The following SYCP1 variants were observed in gnomAD, a reference collection of about 807,000 sequenced individuals.
The protein encoded by SYCP1 is synaptonemal complex protein 1, also known as cancer/testis antigen 8.
SYCP1 carries 64 observed loss-of-function variants against 153.1 expected under a neutral mutation model. The observed-to-expected ratio is 0.42, with a 90% CI of 0.34 to 0.51. The LOEUF is 0.51. SYCP1 is among the 20% of genes least tolerant of loss of function. The probability of loss-of-function intolerance (pLI) is 0.06; values close to 1 mark genes in which losing one functional copy is unlikely to be tolerated. For missense variants in SYCP1, 997 were observed against 1,049.0 expected, an observed-to-expected ratio of 0.95 and a Z score of 0.68; for synonymous variants, 384 against 341.8, an observed-to-expected ratio of 1.12 and a Z score of -1.36.
chr1:114,943,240 A>T (rs1670498992), intron 23 of SYCP1, among the ~76,000 whole-genome samples: 1 of 151,940 alleles, frequency 6.6e-6, no homozygotes, highest in South Asian at 2.1e-4. Context: ...GGCAATTCCA[A>T]TCCTAGGTAT....
intron 30 of SYCP1, among the ~76,000 whole-genome samples, chr1:114,992,668 A>G (rs1674005010): frequency 6.6e-6 from 1 of 151,682 alleles, no homozygotes; most frequent in African/African-American, 2.4e-5. Context: ...CTTAAGAGCT[A>G]AAACTATAAA....
chr1:114,877,458 A>T (rs1222273969), intron 11 of SYCP1, among the ~76,000 whole-genome samples: 1 of 152,126 alleles, frequency 6.6e-6, no homozygotes, highest in Non-Finnish European at 1.5e-5. Flanking sequence ...TTCTTGTCTG[A>T]TTTGCCACAA....
At chr1:114,875,310 G>GAGT (rs1304954352) in intron 9 of SYCP1, among the ~76,000 whole-genome samples, 1 of 148,912 alleles carries the variant, frequency 6.7e-6, no homozygotes, top group Non-Finnish European at 1.5e-5. Flanking sequence ...GCCCAGGCTG[G>GAGT]AGTGCAGTGG....
chr1:114,946,379 T>C lies in SYCP1; in HGVS notation c.2245T>C (p.Leu749=). 1.3e-6 allele frequency: 2 copies of C among 1,577,564 alleles called. No individual in the cohort carries two copies. Among genetic ancestry groups the C allele is most frequent in the East Asian group, 4.8e-5 (2 of 41,884 alleles). ...AGAACAGTCATCACTGAGAGCATCT[T>C]TGGTGAGATACAGAAAAAATTGCAG... The part of the protein sequence containing the change: ...EQEQSSLRAS[L]EIELSNLKAE... Residue 749 remains leucine (L), a splice_region_variant and synonymous_variant, in exon 26 of 32, where the codon TTG becomes CTG. Transcript: ENST00000369522.
At chr1:114,982,243 T>C (rs1206499188) in intron 29 of SYCP1, among the ~76,000 whole-genome samples, 1 of 151,954 alleles carries the variant, frequency 6.6e-6, no homozygotes, top group Non-Finnish European at 1.5e-5. Flanking sequence ...ACTCCTAATA[T>C]TCTTTATAAA....
intron 8 of SYCP1, among the ~76,000 whole-genome samples, chr1:114,866,346 G>A (rs1664741808): frequency 6.6e-6 from 1 of 152,148 alleles, no homozygotes; most frequent in African/African-American, 2.4e-5. Flanking sequence ...AGCATTTGGT[G>A]TTGTCAAAGT....
intron 20 of SYCP1, among the ~76,000 whole-genome samples, chr1:114,918,690 T>C (rs1360546128): frequency 6.6e-6 from 1 of 152,104 alleles, no homozygotes; most frequent in Non-Finnish European, 1.5e-5. Flanking sequence ...ATAGTTTGCA[T>C]TGTAAAGATT....
At chr1:114,869,568 A>G in intron 8 of SYCP1, among the ~76,000 whole-genome samples, 1 of 152,192 alleles carries the variant, frequency 6.6e-6, no homozygotes. Flanking sequence ...GAATCCAACT[A>G]CAGGTTAAGC....
At chr1:114,925,192 C>T (rs981498028) in intron 21 of SYCP1, among the ~76,000 whole-genome samples, 2 of 151,816 alleles carry the variant, frequency 1.3e-5, no homozygotes, top group African/African-American at 4.8e-5. Flanking sequence ...TAAATTCAAC[C>T]TGAAAAAAAT....
intron 16 of SYCP1, 92 bp from the exon 17 acceptor site, chr1:114,910,305 C>T: frequency 1.2e-6 from 1 of 810,074 alleles, no homozygotes; most frequent in Non-Finnish European, 1.9e-6. Flanking sequence ...GGGGGAAGCT[C>T]ATAGTTCTTT....
rs778476636 is a variant in SYCP1, at chr1:114,876,855, T to A, written c.801+45T>A. 30 of 1,135,456 alleles carry A rather than the reference T, an allele frequency of 2.6e-5. No homozygotes were observed. The Middle Eastern group carries it at 9.8e-4, about 37-fold the overall frequency. The allele number at this position is 1,135,456 out of a possible 1,614,324, so 70.3% of individuals were successfully genotyped here. On this transcript the variant is annotated intron_variant, in intron 11 of 31. Transcript: ENST00000369522. ...CTTTGTATTCTTTATATTTGCTAATTCATTAAAAACTTAAAATTTCAAAAG... is the reference window on the plus strand; with the variant it reads ...CTTTGTATTCTTTATATTTGCTAATACATTAAAAACTTAAAATTTCAAAAG...
chr1:114,926,528 G>T lies in SYCP1; in HGVS notation c.1891G>T (p.Ala631Ser). ...ENKALKKKGT[A>S]ESKQLNVYEI... Reference sequence around the variant, plus strand: ...TAAGGCCTTGAAAAAAAAAGGTACAGCAGAAAGCAAGCAACTGAATGTTTA... The same window carrying T: ...TAAGGCCTTGAAAAAAAAAGGTACATCAGAAAGCAAGCAACTGAATGTTTA... Residue 631 changes from alanine to serine, a missense_variant, in exon 23 of 32, where the codon GCA (alanine) becomes TCA (serine). This residue lies in a region of SYCP1 where 712 missense variants were observed against 682.9 expected (regional missense o/e 1.04). Coordinates refer to ENST00000369522, the MANE Select transcript of SYCP1 (RefSeq NM_003176.4). 1 of 1,592,754 alleles carries T rather than the reference G, an allele frequency of 6.3e-7. No homozygotes were observed.
chr1:114,904,343 C>A (rs923842570), intron 16 of SYCP1, among the ~76,000 whole-genome samples: 2 of 152,092 alleles, frequency 1.3e-5, no homozygotes, highest in Admixed American at 6.5e-5. Flanking sequence ...GTCTCGATCT[C>A]CTGACCTTGT....
chr1:114,941,661 C>G (rs976303893), intron 23 of SYCP1, among the ~76,000 whole-genome samples: 2 of 151,184 alleles, frequency 1.3e-5, no homozygotes, highest in Admixed American at 6.6e-5. Context: ...TTGTATTGTC[C>G]AAGAAGAAAG....
chr1:114,924,066 T>G (rs550406185), intron 21 of SYCP1, among the ~76,000 whole-genome samples: 1 of 152,232 alleles, frequency 6.6e-6, no homozygotes, highest in East Asian at 1.9e-4. Flanking sequence ...GACCACCTAC[T>G]ATGTGCCAGG....
chr1:114,855,181 A>G (rs1486749904), intron 1 of SYCP1, 163 bp downstream of exon 1: 1 of 192,442 alleles, frequency 5.2e-6, no homozygotes, highest in African/African-American at 2.3e-5. Context: ...ATTTAATGGG[A>G]CAGGAGAAGG....
At chr1:114,914,152 T>A (rs1206977429) in intron 20 of SYCP1, 107 bp downstream of exon 20, 17 of 821,560 alleles carry the variant, frequency 2.1e-5, no homozygotes, top group Non-Finnish European at 2.9e-5. Flanking sequence ...GAATATTTTA[T>A]AAAGTAAAAA....
At chr1:114,873,850 G>C (rs1665334734) in intron 8 of SYCP1, among the ~76,000 whole-genome samples, 1 of 152,114 alleles carries the variant, frequency 6.6e-6, no homozygotes, top group African/African-American at 2.4e-5. Context: ...TCATGTTTCA[G>C]CCTTCTGAGT....
chr1:114,929,888 T>C (rs1293671979), intron 23 of SYCP1, among the ~76,000 whole-genome samples: 1 of 152,088 alleles, frequency 6.6e-6, no homozygotes, highest in Non-Finnish European at 1.5e-5. Flanking sequence ...TATCTGCAAC[T>C]ATAAATTGTT....
Sources: allele counts gnomAD v4.1 joint callset (sites outside exome capture counted in the v4.1 genomes callset), GRCh38; gene constraint gnomAD v4.1.1; regional missense constraint gnomAD v4.1.1; transcripts MANE v1.5; gene names NCBI Gene and HGNC (gene_info 2026-07-23, HGNC 2026-07-21).